The following ANO3 variants were observed in gnomAD, a reference collection of about 807,000 sequenced individuals.
ANO3 encodes the protein anoctamin 3.
ANO3 carries 99 observed loss-of-function variants against 144.8 expected under a neutral mutation model. The observed-to-expected ratio is 0.68, with a 90% CI of 0.58 to 0.81. The LOEUF is 0.81. Ranked by LOEUF, ANO3 falls within the 30% of genes least tolerant of loss-of-function variation. ANO3 has a pLI of 0.00. For missense variants in ANO3, 905 were observed against 1,202.2 expected (o/e 0.75, Z 3.66); for synonymous variants, 414 against 392.6 (o/e 1.05, Z -0.64).
chr11:26,572,730 G>A (rs1850876339), intron 14 of ANO3, among the ~76,000 whole-genome samples: 1 of 152,024 alleles, frequency 6.6e-6, no homozygotes, highest in East Asian at 1.9e-4. Context: ...CATATATTGG[G>A]ATCCCTGAGA....
At chr11:26,240,302 A>G (rs1367299335) in intron 1 of ANO3, among the ~76,000 whole-genome samples, 3 of 152,204 alleles carry the variant, frequency 2.0e-5, no homozygotes, top group Non-Finnish European at 4.4e-5. Flanking sequence ...TATAATCTCT[A>G]CATAACCAGA....
intron 1 of ANO3, among the ~76,000 whole-genome samples, chr11:26,222,104 T>G (rs1488996619): frequency 1.3e-5 from 2 of 152,224 alleles, no homozygotes; most frequent in Non-Finnish European, 2.9e-5. Context: ...AGACTCATTA[T>G]TTCCACTTAT....
chr11:26,644,010 A>G (rs747588735), intron 23 of ANO3, among the ~76,000 whole-genome samples: 14 of 152,170 alleles, frequency 9.2e-5, no homozygotes, highest in Non-Finnish European at 1.6e-4. Flanking sequence ...AGCCTCCAAA[A>G]CAGCAAGGAA....
At chr11:26,588,673 A>G (rs912044017) in intron 14 of ANO3, among the ~76,000 whole-genome samples, 4 of 152,218 alleles carry the variant, frequency 2.6e-5, no homozygotes, top group African/African-American at 9.6e-5. Flanking sequence ...CTTGACAGAG[A>G]CCAATGATAA....
chr11:26,342,225 C>A (rs1314331687), intron 1 of ANO3, among the ~76,000 whole-genome samples: 1 of 152,124 alleles, frequency 6.6e-6, no homozygotes, highest in African/African-American at 2.4e-5. Context: ...ATGAATATTA[C>A]CTCCTATAGG....
chr11:26,412,971 T>C lies in ANO3; in HGVS notation c.47-28947T>C, dbSNP rs373824282. ...ATCAGTGTAGCCAGGGAAATCTCCATGTGTTTCTGTAAATGAATTTTTAGG... is the reference window on the plus strand; with the variant it reads ...ATCAGTGTAGCCAGGGAAATCTCCACGTGTTTCTGTAAATGAATTTTTAGG... On this transcript the variant is annotated intron_variant, in intron 1 of 26. Coordinates refer to ENST00000256737, the MANE Select transcript of ANO3 (RefSeq NM_031418.4). 3.3e-5 allele frequency among the ~76,000 whole-genome samples: 5 copies of C among 151,944 alleles called. No individual in the cohort carries two copies. In the East Asian group the frequency reaches 5.8e-4, roughly 18 times the overall value.
Position 26,485,416 on chromosome 11 carries a change from C to G in ANO3, c.432+22268C>G, listed in dbSNP as rs950306781. On this transcript the variant is annotated intron_variant, in intron 4 of 26. Coordinates refer to ENST00000256737, the MANE Select transcript of ANO3 (RefSeq NM_031418.4). ...TCCTATTTGCTCTTTTTTTCCTGCTCTGGCCATATAAGTCATGACTCCTTC... is the reference window on the plus strand; with the variant it reads ...TCCTATTTGCTCTTTTTTTCCTGCTGTGGCCATATAAGTCATGACTCCTTC... Among the ~76,000 whole-genome samples the G allele has an allele frequency of 2.0e-5, 3 of 151,808 alleles. No homozygotes were observed. The East Asian group carries it at 5.8e-4, about 29-fold the overall frequency.
chr11:26,252,368 GT>G (rs1269873090), intron 1 of ANO3, among the ~76,000 whole-genome samples: 1 of 152,128 alleles, frequency 6.6e-6, no homozygotes, highest in Non-Finnish European at 1.5e-5. Context: ...TCTCCAGGCA[GT>G]TTTTTCTTTG....
chr11:26,363,842 A>G (rs1331087044), intron 1 of ANO3, among the ~76,000 whole-genome samples: 4 of 149,022 alleles, frequency 2.7e-5, no homozygotes, highest in Non-Finnish European at 6.0e-5. Context: ...AAAAAAAAAG[A>G]GATTAAACCA....
At chr11:26,217,454 A>G (rs1852056948) in intron 1 of ANO3, among the ~76,000 whole-genome samples, 2 of 151,862 alleles carry the variant, frequency 1.3e-5, no homozygotes, top group Non-Finnish European at 2.9e-5. Flanking sequence ...ATGTAATGTG[A>G]TTTAGCTGGG....
intron 1 of ANO3, among the ~76,000 whole-genome samples, chr11:26,318,899 CATAT>C (rs1319626007): frequency 6.6e-6 from 1 of 152,160 alleles, no homozygotes; most frequent in Non-Finnish European, 1.5e-5. Flanking sequence ...TTTACCCATA[CATAT>C]ACATAATTTT....
intron 1 of ANO3, among the ~76,000 whole-genome samples, chr11:26,247,287 T>A (rs767333440): frequency 1.3e-5 from 2 of 152,222 alleles, no homozygotes; most frequent in Non-Finnish European, 2.9e-5. Flanking sequence ...TACAGTACTA[T>A]CTTTTTTTCC....
chr11:26,293,568 T>TATATATATAC, intron 1 of ANO3, among the ~76,000 whole-genome samples: 1 of 140,950 alleles, frequency 7.1e-6, no homozygotes, highest in Non-Finnish European at 1.5e-5. Flanking sequence ...TATATATATA[T>TATATATATAC]ATATATATTC....
At chr11:26,256,516 T>C (rs1853059903) in intron 1 of ANO3, among the ~76,000 whole-genome samples, 1 of 152,018 alleles carries the variant, frequency 6.6e-6, no homozygotes, top group Non-Finnish European at 1.5e-5. Flanking sequence ...TCCCACTTAC[T>C]AACTATATAA....
At chr11:26,414,506 C>T (rs190095515) in intron 1 of ANO3, among the ~76,000 whole-genome samples, 10 of 151,912 alleles carry the variant, frequency 6.6e-5, no homozygotes, top group South Asian at 4.2e-4. Context: ...AACCAAGCAC[C>T]GCATGTTCTC....
chr11:26,571,607 C>T (rs1178866070), intron 14 of ANO3, among the ~76,000 whole-genome samples: 2 of 151,910 alleles, frequency 1.3e-5, no homozygotes, highest in Non-Finnish European at 2.9e-5. Context: ...AAGCAAAAAC[C>T]TCTAATACTT....
chr11:26,445,601 G>A (rs942627909), intron 3 of ANO3, among the ~76,000 whole-genome samples: 2 of 151,842 alleles, frequency 1.3e-5, no homozygotes, highest in African/African-American at 4.8e-5. Flanking sequence ...GCATCCCCCA[G>A]CATCAATCTG....
chr11:26,233,677 G>T (rs899952066), intron 1 of ANO3, among the ~76,000 whole-genome samples: 1 of 152,174 alleles, frequency 6.6e-6, no homozygotes, highest in African/African-American at 2.4e-5. Flanking sequence ...TAATAGAAAA[G>T]ACTTGGAACC....
chr11:26,378,105 T>C (rs1856464842), intron 1 of ANO3, among the ~76,000 whole-genome samples: 1 of 151,980 alleles, frequency 6.6e-6, no homozygotes, highest in Non-Finnish European at 1.5e-5. Flanking sequence ...GAAGGCCTGA[T>C]ATGCAAAATA....
Sources: gnomAD v4.1 joint callset for allele counts (sites outside exome capture counted in the v4.1 genomes callset) on GRCh38, gnomAD v4.1.1 for gene constraint, MANE v1.5 for transcripts, NCBI Gene and HGNC (gene_info 2026-07-23, HGNC 2026-07-21) for gene names.